The following OR1J2 variants were observed in gnomAD, a reference collection of about 807,000 sequenced individuals.
OR1J2 encodes olfactory receptor 1J2.
For missense variants in OR1J2, 304 were observed against 246.1 expected (o/e 1.24, Z -1.57); for synonymous variants, 142 against 99.7 (o/e 1.42, Z -2.52).
At chr9:122,568,275 G>T in the OR1J2 span, 1 of 1,614,012 alleles carries the variant, frequency 6.2e-7, no homozygotes, top group Non-Finnish European at 8.5e-7. Flanking sequence ...ATCAGTGAGA[G>T]ACAGAAAACT....
chr9:122,518,570 A>G, the OR1J2 span, among the ~76,000 whole-genome samples: 1 of 152,170 alleles, frequency 6.6e-6, no homozygotes, highest in Non-Finnish European at 1.5e-5. Context: ...CTCACCTTTA[A>G]ATATTTTGTG....
chr9:122,573,594 A>G, the OR1J2 span, among the ~76,000 whole-genome samples: 236 of 151,956 alleles, frequency 1.6e-3, 8 homozygotes, highest in East Asian at 0.041. Context: ...TGGGTTGTAT[A>G]TTTTCTTATT....
chr9:122,521,557 C>T, the OR1J2 span, among the ~76,000 whole-genome samples: 45 of 152,164 alleles, frequency 3.0e-4, no homozygotes, highest in Admixed American at 6.5e-4. Flanking sequence ...AAGAGTGCCA[C>T]CCCCACTCCT....
the OR1J2 span, among the ~76,000 whole-genome samples, chr9:122,557,013 G>A: frequency 1.3e-5 from 2 of 152,090 alleles, no homozygotes; most frequent in East Asian, 1.9e-4. Context: ...ATGGTGTTGT[G>A]TTTTTAATTT....
the OR1J2 span, among the ~76,000 whole-genome samples, chr9:122,559,095 T>C: frequency 2.0e-5 from 3 of 151,990 alleles, no homozygotes; most frequent in African/African-American, 7.2e-5. Context: ...GAAATTACAA[T>C]ACATTATTGT....
upstream of OR1J2, among the ~76,000 whole-genome samples, chr9:122,508,300 TG>T (rs1828568797): frequency 6.6e-6 from 1 of 152,036 alleles, no homozygotes; most frequent in African/African-American, 2.4e-5. Context: ...TCAATATGTA[TG>T]TTAGGGTGGG....
the OR1J2 span, chr9:122,519,088 G>A: frequency 7.9e-7 from 1 of 1,265,224 alleles, no homozygotes; most frequent in Non-Finnish European, 1.1e-6. Flanking sequence ...ACATTTGTTT[G>A]TTTCTGCCTT....
the OR1J2 span, among the ~76,000 whole-genome samples, chr9:122,462,029 A>G: frequency 6.6e-6 from 1 of 151,962 alleles, no homozygotes; most frequent in Non-Finnish European, 1.5e-5. Context: ...AAATTCCCCC[A>G]CTATTACTGT....
the OR1J2 span, among the ~76,000 whole-genome samples, chr9:122,485,351 G>A: frequency 1.3e-5 from 2 of 152,266 alleles, no homozygotes; most frequent in African/African-American, 4.8e-5. Flanking sequence ...AAGGCTTTCC[G>A]CACAGACTCC....
the OR1J2 span, among the ~76,000 whole-genome samples, chr9:122,539,987 T>C: frequency 6.6e-6 from 1 of 152,316 alleles, no homozygotes; most frequent in East Asian, 1.9e-4. Flanking sequence ...GTAAATTTGT[T>C]TGAGTTCATT....
upstream of OR1J2, among the ~76,000 whole-genome samples, chr9:122,508,663 G>A (rs1177408733): frequency 6.6e-6 from 1 of 152,170 alleles, no homozygotes; most frequent in Non-Finnish European, 1.5e-5. Context: ...CAAGATGGAA[G>A]CTGGGGAAGG....
At chr9:122,564,592 G>A in the OR1J2 span, among the ~76,000 whole-genome samples, 27 of 152,312 alleles carry the variant, frequency 1.8e-4, no homozygotes, top group Non-Finnish European at 3.8e-4. Context: ...TATTTGGCCT[G>A]TGCAGAAGAT....
At chr9:122,473,669 T>C in the OR1J2 span, among the ~76,000 whole-genome samples, 1 of 149,188 alleles carries the variant, frequency 6.7e-6, no homozygotes, top group Admixed American at 6.6e-5. Context: ...CAATGCATAA[T>C]AGATCTGAAA....
the OR1J2 span, among the ~76,000 whole-genome samples, chr9:122,502,382 A>T: frequency 0.076 from 11,604 of 152,188 alleles, 856 homozygotes; most frequent in African/African-American, 0.19. Flanking sequence ...CTGCAACTTA[A>T]ATTCACCATC....
the OR1J2 span, among the ~76,000 whole-genome samples, chr9:122,476,202 G>A: frequency 6.6e-6 from 1 of 152,224 alleles, no homozygotes. Context: ...AGACAGCAGT[G>A]TGTTAATTAT....
At chr9:122,559,119 G>A in the OR1J2 span, among the ~76,000 whole-genome samples, 14 of 151,868 alleles carry the variant, frequency 9.2e-5, no homozygotes, top group Non-Finnish European at 1.9e-4. Flanking sequence ...CTATATTCAT[G>A]CTTTTGTACA....
the OR1J2 span, among the ~76,000 whole-genome samples, chr9:122,538,087 G>C: frequency 1.3e-5 from 2 of 152,090 alleles, no homozygotes; most frequent in Non-Finnish European, 2.9e-5. Flanking sequence ...CAAGTCACCT[G>C]TGTAGCCTTT....
At chr9:122,549,932 C>G in the OR1J2 span, among the ~76,000 whole-genome samples, 4 of 152,024 alleles carry the variant, frequency 2.6e-5, no homozygotes, top group Non-Finnish European at 4.4e-5. Flanking sequence ...TGCATTGAAT[C>G]TATAGATTGC....
upstream of OR1J2, among the ~76,000 whole-genome samples, chr9:122,509,542 G>C (rs1249669500): frequency 6.6e-6 from 1 of 152,210 alleles, no homozygotes. Flanking sequence ...TAGCCAGTCT[G>C]ATCTTTACTT....
Sources: gnomAD v4.1 joint callset for allele counts (sites outside exome capture counted in the v4.1 genomes callset) on GRCh38, gnomAD v4.1.1 for gene constraint, MANE v1.5 for transcripts, NCBI Gene and HGNC (gene_info 2026-07-23, HGNC 2026-07-21) for gene names.